Variants in CACUL1 observed in about 807,000 individuals in gnomAD.
CACUL1 encodes CDK2-associated and cullin domain-containing protein 1.
CACUL1 carries 13 observed loss-of-function variants against 45.2 expected under a neutral mutation model. That is an observed-to-expected ratio of 0.29 (90% CI 0.19 to 0.46). The LOEUF is 0.46. Ranked by LOEUF, CACUL1 falls within the 20% of genes least tolerant of loss-of-function variation. The pLI is 1.00. For synonymous variants in CACUL1, 197 were observed against 174.2 expected, an observed-to-expected ratio of 1.13 and a Z score of -1.03; for missense variants, 421 against 471.4, an observed-to-expected ratio of 0.89 and a Z score of 0.99.
chr10:118,707,095 GA>G (rs2119590927), intron 4 of CACUL1, among the ~76,000 whole-genome samples: 1 of 152,314 alleles, frequency 6.6e-6, no homozygotes, highest in Admixed American at 6.5e-5. Context: ...CAGATCATCA[GA>G]ATGGCAGCAA....
At chr10:118,727,366 C>T (rs1845661301) in intron 3 of CACUL1, among the ~76,000 whole-genome samples, 1 of 148,498 alleles carries the variant, frequency 6.7e-6, no homozygotes, top group Non-Finnish European at 1.5e-5. Context: ...TGCACTCCAG[C>T]CTGGGAGACA....
intron 7 of CACUL1, among the ~76,000 whole-genome samples, chr10:118,689,743 T>C (rs1845243351): frequency 6.6e-6 from 1 of 152,044 alleles, no homozygotes; most frequent in African/African-American, 2.4e-5. Flanking sequence ...GTACCAAAAT[T>C]AGGATTAGAA....
chr10:118,714,896 A>T (rs1265149530), intron 3 of CACUL1, among the ~76,000 whole-genome samples: 1 of 152,250 alleles, frequency 6.6e-6, no homozygotes, highest in Non-Finnish European at 1.5e-5. Context: ...CATTACTTAC[A>T]GACCCCCCTG....
intron 1 of CACUL1, among the ~76,000 whole-genome samples, chr10:118,739,278 C>T (rs1321001360): frequency 1.3e-5 from 2 of 151,766 alleles, no homozygotes; most frequent in African/African-American, 4.8e-5. Context: ...TAGCAAAATG[C>T]AGTTAACAGA....
intron 5 of CACUL1, among the ~76,000 whole-genome samples, chr10:118,699,807 G>A (rs1006822498): frequency 2.5e-4 from 38 of 152,068 alleles, no homozygotes; most frequent in African/African-American, 8.2e-4. Context: ...CACCATGCCC[G>A]GCTAATTTTT....
intron 1 of CACUL1, among the ~76,000 whole-genome samples, chr10:118,737,545 C>CA (rs1266320751): frequency 1.3e-5 from 2 of 152,140 alleles, no homozygotes; most frequent in Non-Finnish European, 2.9e-5. Flanking sequence ...TGCCTTGCTT[C>CA]AAATGAAGTG....
intron 1 of CACUL1, among the ~76,000 whole-genome samples, chr10:118,730,616 GAAGT>G (rs1226903630): frequency 1.3e-5 from 2 of 152,202 alleles, no homozygotes; most frequent in African/African-American, 4.8e-5. Flanking sequence ...GGATTTAAGA[GAAGT>G]TAGTATGAAC....
At chr10:118,710,800 T>A (rs1463789519) in intron 3 of CACUL1, among the ~76,000 whole-genome samples, 1 of 152,220 alleles carries the variant, frequency 6.6e-6, no homozygotes, top group Non-Finnish European at 1.5e-5. Flanking sequence ...CTTGTTCAAA[T>A]CTAAACTTTG....
At chr10:118,718,809 G>A (rs564156219) in intron 3 of CACUL1, among the ~76,000 whole-genome samples, 35 of 152,088 alleles carry the variant, frequency 2.3e-4, no homozygotes, top group South Asian at 1.7e-3. Flanking sequence ...TCCTGACTTC[G>A]TGATCCACCT....
Position 118,754,921 on chromosome 10 carries a change from G to T in CACUL1, c.-159C>A. On this transcript the variant is annotated 5_prime_UTR_variant, in exon 1 of 9. Transcript: ENST00000369151. ...CGCAGGGTCTCTCGCTCTCCGCGGG[G>T]CCGACTAGCTTGAAGACGCGGCTGA... 1 of 1,037,996 alleles carries T rather than the reference G, an allele frequency of 9.6e-7. No homozygotes were observed. Among genetic ancestry groups the T allele is most frequent in the Non-Finnish European group, 1.3e-6 (1 of 751,864 alleles). 64.3% of individuals were successfully genotyped at this position (1,037,996 alleles called of 1,614,324 possible).
chr10:118,694,163 C>T (rs1015355565), intron 6 of CACUL1, among the ~76,000 whole-genome samples: 1 of 152,176 alleles, frequency 6.6e-6, no homozygotes, highest in Non-Finnish European at 1.5e-5. Flanking sequence ...CCACACCCAG[C>T]CTAAGAAGGT....
intron 1 of CACUL1, among the ~76,000 whole-genome samples, chr10:118,740,533 C>G (rs1845781955): frequency 6.6e-6 from 1 of 151,452 alleles, no homozygotes; most frequent in Admixed American, 6.6e-5. Context: ...TTTCTTGAAC[C>G]CAGGAGGCAG....
intron 3 of CACUL1, among the ~76,000 whole-genome samples, chr10:118,710,090 A>ATT (rs113369997): frequency 0.14 from 19,610 of 139,820 alleles, 1,490 homozygotes; most frequent in Admixed American, 0.27. Context: ...TTTGTTTGGG[A>ATT]TTTTTTTTTT....
intron 3 of CACUL1, among the ~76,000 whole-genome samples, chr10:118,709,905 TA>T (rs1845468253): frequency 6.6e-6 from 1 of 151,940 alleles, no homozygotes; most frequent in Non-Finnish European, 1.5e-5. Context: ...TTTAAATTAT[TA>T]TTTTTTTTTG....
intron 3 of CACUL1, among the ~76,000 whole-genome samples, chr10:118,713,686 A>G (rs1219102584): frequency 6.6e-6 from 1 of 152,222 alleles, no homozygotes; most frequent in African/African-American, 2.4e-5. Context: ...CCCTGAACCA[A>G]CCAATACTTT....
At chr10:118,688,053 T>C (rs1036969565) in intron 7 of CACUL1, among the ~76,000 whole-genome samples, 5 of 152,232 alleles carry the variant, frequency 3.3e-5, no homozygotes, top group African/African-American at 4.8e-5. Context: ...ATTTTCCAGA[T>C]AAAGTTTCCC....
intron 3 of CACUL1, chr10:118,726,268 A>T: frequency 8.1e-7 from 1 of 1,242,102 alleles, no homozygotes; most frequent in Non-Finnish European, 1.1e-6. Context: ...CAAATAAATA[A>T]AATGCTTACA....
At chr10:118,741,857 T>A (rs1490258326) in intron 1 of CACUL1, among the ~76,000 whole-genome samples, 1 of 152,198 alleles carries the variant, frequency 6.6e-6, no homozygotes, top group African/African-American at 2.4e-5. Context: ...ATGTTTAACA[T>A]GAGCCAGTCT....
intron 2 of CACUL1, 40 bp from the exon 3 acceptor site, chr10:118,729,437 A>G: frequency 7.0e-7 from 1 of 1,421,462 alleles, no homozygotes. Context: ...CAAGTTAATC[A>G]TAAAGCACTT....
Sources: allele counts gnomAD v4.1 joint callset (sites outside exome capture counted in the v4.1 genomes callset), GRCh38; gene constraint gnomAD v4.1.1; transcripts MANE v1.5; gene names NCBI Gene and HGNC (gene_info 2026-07-23, HGNC 2026-07-21).